The following CUBN variants were observed in gnomAD, a reference collection of about 807,000 sequenced individuals.
CUBN encodes the protein 460 kDa receptor.
CUBN carries 282 observed loss-of-function variants against 405.3 expected under a neutral mutation model. The ratio of observed to expected loss-of-function variants is 0.70; its 90% CI spans 0.63 to 0.77. The LOEUF is 0.77. Among genes scored for constraint, CUBN ranks in the 30% least tolerant of loss-of-function variants. CUBN has a pLI of 0.00. For synonymous variants in CUBN, 1,684 were observed against 1,617.0 expected (o/e 1.04, Z -0.99); for missense variants, 4,514 against 4,475.2 (o/e 1.01, Z -0.25).
In CUBN at chr10:17,045,927, T is replaced by C. The variant is rs1835121803; in HGVS notation, c.3490+7A>G. ...TCTCCAGTAAAAGACAGCTCTTTGC[T>C]ATTTACCTGTTGATGACCCATCCCA... On this transcript the variant is annotated splice_region_variant and intron_variant, in intron 24 of 66. Coordinates refer to ENST00000377833, the MANE Select transcript of CUBN (RefSeq NM_001081.4). The C allele has an allele frequency of 6.2e-7, 1 of 1,613,760 alleles. No individual in the cohort carries two copies. Among genetic ancestry groups the C allele is most frequent in the Non-Finnish European group, 8.5e-7 (1 of 1,179,854 alleles).
At chr10:17,020,330 G>A (rs1834456652) in intron 27 of CUBN, among the ~76,000 whole-genome samples, 1 of 152,112 alleles carries the variant, frequency 6.6e-6, no homozygotes, top group South Asian at 2.1e-4. Flanking sequence ...ATGAATAGCA[G>A]CTATTATAAT....
rs1840315292 is a variant in CUBN, at chr10:16,870,339, C to T, written c.9237-486G>A. On this transcript the variant is annotated intron_variant, in intron 58 of 66. Coordinates refer to ENST00000377833, the MANE Select transcript of CUBN (RefSeq NM_001081.4). ...TTTAGAATCACAGCTCCATTCTCCTCACAGTCTCATTTTCCTCTTTTAAAA... is the reference window on the plus strand; with the variant it reads ...TTTAGAATCACAGCTCCATTCTCCTTACAGTCTCATTTTCCTCTTTTAAAA... Among the ~76,000 whole-genome samples, 3 of 152,328 alleles carry T rather than the reference C, an allele frequency of 2.0e-5. No homozygotes were observed. The South Asian group carries it at 6.2e-4, about 32-fold the overall frequency.
intron 31 of CUBN, among the ~76,000 whole-genome samples, chr10:16,955,892 G>T (rs10508517): frequency 6.6e-6 from 1 of 152,048 alleles, no homozygotes; most frequent in African/African-American, 2.4e-5. Flanking sequence ...TCACTGCAAG[G>T]TATCAACTGA....
At position 16,836,545 on chromosome 10, in the gene CUBN, ATT is replaced by A. The variant is rs1839174954; in HGVS notation, c.10033-165_10033-164del. 2.6e-5 allele frequency among the ~76,000 whole-genome samples: 4 copies of A among 152,252 alleles called. No homozygotes were observed. The South Asian group carries it at 8.3e-4, about 31-fold the overall frequency. ...CAAGAAGACTCACGTTGGCCTTGGA[ATT>A]GATGCAAGTTGCACCTTCCCAGAGG... is the stretch of plus-strand genomic sequence containing the variant. On this transcript the variant is annotated intron_variant, in intron 62 of 66. Transcript: ENST00000377833.
At chr10:16,839,005 C>T (rs76254339) in intron 62 of CUBN, among the ~76,000 whole-genome samples, 1,706 of 152,282 alleles carry the variant, frequency 0.011, 13 homozygotes, top group Non-Finnish European at 0.02. Context: ...TAGTGCCAAA[C>T]AGCCTCTTCA....
chr10:16,995,713 AT>A (rs1311474033), intron 28 of CUBN, among the ~76,000 whole-genome samples: 1 of 152,218 alleles, frequency 6.6e-6, no homozygotes, highest in Admixed American at 6.5e-5. Context: ...TTAAAAAGCT[AT>A]CATGAATAGC....
In CUBN at chr10:16,851,501, C is replaced by G. The variant is rs983633837; in HGVS notation, c.9455-58G>C. 41 of 1,448,234 alleles carry G rather than the reference C, an allele frequency of 2.8e-5. No individual in the cohort carries two copies. In the Admixed American group the frequency reaches 6.9e-4, roughly 24 times the overall value. 89.7% of individuals were successfully genotyped at this position (1,448,234 alleles called of 1,614,324 possible). A position where few individuals can be genotyped will look rare whatever the true frequency, so the allele number is the denominator to read the frequency against. On this transcript the variant is annotated intron_variant, in intron 59 of 66. Coordinates refer to ENST00000377833, the MANE Select transcript of CUBN (RefSeq NM_001081.4). ...CAAACAGAACCGACCTTACATTGTACATGGAGGGTTTTTAAAAAGAACATA... is the reference window on the plus strand; with the variant it reads ...CAAACAGAACCGACCTTACATTGTAGATGGAGGGTTTTTAAAAAGAACATA...
At chr10:16,924,586 A>C (rs1357678644) in intron 43 of CUBN, among the ~76,000 whole-genome samples, 1 of 152,128 alleles carries the variant, frequency 6.6e-6, no homozygotes, top group Non-Finnish European at 1.5e-5. Context: ...GGTGGGACAA[A>C]GGAAAAATTT....
intron 50 of CUBN, among the ~76,000 whole-genome samples, chr10:16,905,638 G>A (rs1490645656): frequency 2.0e-5 from 3 of 152,130 alleles, no homozygotes; most frequent in African/African-American, 7.2e-5. Context: ...GCCGGGAAAC[G>A]AAGTGACTGT....
At chr10:17,059,764 T>C (rs1347455050) in intron 22 of CUBN, among the ~76,000 whole-genome samples, 1 of 152,238 alleles carries the variant, frequency 6.6e-6, no homozygotes, top group Non-Finnish European at 1.5e-5. Context: ...GCGGTCATGG[T>C]CATTGCTTTT....
chr10:16,920,187 A>G, intron 43 of CUBN, 50 bp from the exon 44 acceptor site: 9 of 1,565,146 alleles, frequency 5.8e-6, no homozygotes, highest in Non-Finnish European at 7.9e-6. Flanking sequence ...AAGGGGATGC[A>G]GTCAATGGCC....
intron 4 of CUBN, among the ~76,000 whole-genome samples, chr10:17,126,066 T>G (rs1230877610): frequency 6.6e-6 from 1 of 152,170 alleles, no homozygotes; most frequent in East Asian, 1.9e-4. Context: ...AGGAAAATGC[T>G]TGAAGCATGA....
intron 43 of CUBN, among the ~76,000 whole-genome samples, chr10:16,920,501 C>G (rs1842005367): frequency 6.6e-6 from 1 of 152,118 alleles, no homozygotes; most frequent in African/African-American, 2.4e-5. Flanking sequence ...TCCCACTGAG[C>G]ATTCAGTACA....
At position 16,907,503 on chromosome 10, in the gene CUBN, A is replaced by G. The variant is rs763340414; in HGVS notation, c.7705+5T>C. 9.9e-6 allele frequency: 16 copies of G among 1,613,924 alleles called. No homozygotes were observed. In the South Asian group the frequency reaches 1.6e-4, roughly 17 times the overall value. On this transcript the variant is annotated splice_donor_5th_base_variant and intron_variant, in intron 49 of 66. Coordinates refer to ENST00000377833, the MANE Select transcript of CUBN (RefSeq NM_001081.4). ...ATGGGGGGCATTTACAACATCCTAC[A>G]TTACCTGCATCTTCACTGGAGGTAT...
At chr10:16,974,441 T>A (rs79987036) in intron 31 of CUBN, among the ~76,000 whole-genome samples, 1 of 151,906 alleles carries the variant, frequency 6.6e-6, no homozygotes, top group Non-Finnish European at 1.5e-5. Context: ...TTTTTTTTTT[T>A]GAGAGGGAGT....
At chr10:16,953,445 G>A (rs1228089204) in intron 32 of CUBN, among the ~76,000 whole-genome samples, 1 of 152,100 alleles carries the variant, frequency 6.6e-6, no homozygotes, top group Non-Finnish European at 1.5e-5. Flanking sequence ...TAGACATAAT[G>A]ACTACACAGA....
At chr10:16,924,767 A>G (rs6602163) in intron 43 of CUBN, among the ~76,000 whole-genome samples, 48,856 of 151,960 alleles carry the variant, frequency 0.32, 9,895 homozygotes, top group African/African-American at 0.56. Context: ...AAGCAATTAC[A>G]GATATCATGT....
chr10:17,008,237 TG>T (rs112445893), intron 28 of CUBN, among the ~76,000 whole-genome samples: 55,898 of 136,318 alleles, frequency 0.41, 10,615 homozygotes, highest in East Asian at 0.58. Context: ...TGCCCGTGTG[TG>T]GTGTGTGTGT....
intron 63 of CUBN, 111 bp downstream of exon 63, chr10:16,836,121 TAAC>T: frequency 9.3e-7 from 1 of 1,080,402 alleles, no homozygotes; most frequent in Non-Finnish European, 1.4e-6. Context: ...TGGTTTTTGT[TAAC>T]AAATCCTAAT....
Sources: gnomAD v4.1 joint callset for allele counts (sites outside exome capture counted in the v4.1 genomes callset) on GRCh38, gnomAD v4.1.1 for gene constraint, MANE v1.5 for transcripts, NCBI Gene and HGNC (gene_info 2026-07-23, HGNC 2026-07-21) for gene names.